Variants in UGT8 observed in about 807,000 individuals in gnomAD.
UGT8 encodes 2-hydroxyacylsphingosine 1-beta-galactosyltransferase.
UGT8 carries 12 observed loss-of-function variants against 40.5 expected under a neutral mutation model. The observed-to-expected ratio is 0.30, with a 90% CI of 0.19 to 0.48. UGT8 has a LOEUF of 0.48. Ranked by LOEUF, UGT8 falls within the 20% of genes least tolerant of loss-of-function variation. The pLI is 0.99. For missense variants in UGT8, 513 were observed against 648.7 expected (o/e 0.79, Z 2.27); for synonymous variants, 224 against 240.4 (o/e 0.93, Z 0.63).
intron 2 of UGT8, 105 bp downstream of exon 2, chr4:114,623,807 T>C: frequency 7.3e-7 from 1 of 1,373,938 alleles, no homozygotes; most frequent in Non-Finnish European, 9.5e-7. Context: ...ATATATACAG[T>C]ACACTAAAAG....
intron 2 of UGT8, among the ~76,000 whole-genome samples, chr4:114,649,120 T>C (rs1733748275): frequency 6.6e-6 from 1 of 152,184 alleles, no homozygotes; most frequent in Admixed American, 6.5e-5. Context: ...ATTGGATATG[T>C]AATTTCTGAT....
At chr4:114,635,372 A>G (rs1427393156) in intron 2 of UGT8, among the ~76,000 whole-genome samples, 1 of 151,914 alleles carries the variant, frequency 6.6e-6, no homozygotes, top group African/African-American at 2.4e-5. Context: ...AATTCAAGCC[A>G]CCATATTATT....
chr4:114,608,525 ATT>A (rs920380686), intron 1 of UGT8, among the ~76,000 whole-genome samples: 1 of 150,280 alleles, frequency 6.7e-6, no homozygotes, highest in Admixed American at 6.6e-5. Flanking sequence ...ACATTCCCCT[ATT>A]TTTTTTTAAC....
rs181912306 is a variant in UGT8, at chr4:114,609,801, C to T, written c.-3+10827C>T. Among the ~76,000 whole-genome samples, 4 of 152,150 alleles carry T rather than the reference C, an allele frequency of 2.6e-5. No individual in the cohort carries two copies. In the East Asian group the frequency reaches 7.7e-4, roughly 29 times the overall value. The stretch of plus-strand genomic sequence containing the variant: ...AAATGCAGTCCTGTCCTTATTCTAC[C>T]CCTACTACTCCATCCAAAGGGAGAC... On this transcript the variant is annotated intron_variant, in intron 1 of 5. Transcript: ENST00000310836.
At chr4:114,602,703 G>A (rs1386473199) in intron 1 of UGT8, among the ~76,000 whole-genome samples, 4 of 152,026 alleles carry the variant, frequency 2.6e-5, no homozygotes, top group Non-Finnish European at 5.9e-5. Context: ...TGTAAGTGCC[G>A]TGATAGAGAT....
Position 114,598,918 on chromosome 4 carries a change from G to C in UGT8, c.-59G>C, listed in dbSNP as rs752589070. 1.3e-5 allele frequency: 2 copies of C among 152,186 alleles called. No individual in the cohort carries two copies. The highest frequency in any genetic ancestry group is 4.8e-5 in the African/African-American group (2 of 41,388). 9.4% of individuals were successfully genotyped at this position (152,186 alleles called of 1,614,324 possible). A position where few individuals can be genotyped will look rare whatever the true frequency, so the allele number is the denominator to read the frequency against. Reference sequence around the variant, plus strand: ...ACAAACACAGGTCCCTTCTGTCCCGGATACAATTACGCGGCAGACACACAC... The same window carrying C: ...ACAAACACAGGTCCCTTCTGTCCCGCATACAATTACGCGGCAGACACACAC... On this transcript the variant is annotated 5_prime_UTR_variant, in exon 1 of 6. Coordinates refer to ENST00000310836, the MANE Select transcript of UGT8 (RefSeq NM_001128174.3).
intron 3 of UGT8, chr4:114,665,312 C>A: frequency 1.1e-6 from 1 of 875,568 alleles, no homozygotes; most frequent in Non-Finnish European, 1.4e-6. Flanking sequence ...AGTGGCAGCT[C>A]TCCCTGCTCC....
chr4:114,642,704 C>T (rs866548512), intron 2 of UGT8, among the ~76,000 whole-genome samples: 31 of 152,128 alleles, frequency 2.0e-4, no homozygotes, highest in African/African-American at 7.2e-4. Flanking sequence ...GATTTGTTCG[C>T]TTGTCATTTG....
chr4:114,616,200 G>A (rs1017958548), intron 1 of UGT8, among the ~76,000 whole-genome samples: 2 of 152,176 alleles, frequency 1.3e-5, no homozygotes, highest in Admixed American at 1.3e-4. Context: ...CCCCAGAGGT[G>A]GAGTCTACAG....
chr4:114,674,790 A>G (rs1049000381), intron 5 of UGT8, among the ~76,000 whole-genome samples: 3 of 152,244 alleles, frequency 2.0e-5, no homozygotes, highest in African/African-American at 7.2e-5. Context: ...CAGTAGTGCT[A>G]TATCCTCCAT....
chr4:114,678,212 T>C lies in UGT8; in HGVS notation c.*1924T>C, dbSNP rs1380313756. Reference sequence around the variant, plus strand: ...GTGATAAAAACTTAAATAATAAACATGATTTAAAATAGAGAAGTGTTGTTG... The same window carrying C: ...GTGATAAAAACTTAAATAATAAACACGATTTAAAATAGAGAAGTGTTGTTG... On this transcript the variant is annotated 3_prime_UTR_variant, in exon 6 of 6. Transcript: ENST00000310836. The C allele has an allele frequency of 6.6e-6, 1 of 152,200 alleles. No homozygotes were observed. Among genetic ancestry groups the C allele is most frequent in the Non-Finnish European group, 1.5e-5 (1 of 68,030 alleles). The allele number at this position is 152,200 out of a possible 1,614,324, so 9.4% of individuals were successfully genotyped here.
chr4:114,668,282 G>A lies in UGT8; in HGVS notation c.1240G>A (p.Val414Met). The A allele has an allele frequency of 6.2e-7, 1 of 1,613,624 alleles. No homozygotes were observed. The highest frequency in any genetic ancestry group is 1.7e-4 in the Middle Eastern group (1 of 6,056). Residue 414 changes from valine to methionine, a missense_variant, in exon 5 of 6, where the codon GTG becomes ATG. Physicochemically the swap from Val to Met is conservative, Grantham distance 21. Coordinates refer to ENST00000310836, the MANE Select transcript of UGT8 (RefSeq NM_001128174.3). ...VTEKELYEAL[V>M]KVINNPSYRQ... ...TGAAAAAGAGCTCTATGAAGCACTA[G>A]TGAAGGTTATCAATAATCCCAGGTA...
intron 2 of UGT8, among the ~76,000 whole-genome samples, chr4:114,658,108 T>G (rs554285289): frequency 1.3e-5 from 2 of 152,368 alleles, no homozygotes; most frequent in South Asian, 4.1e-4. Context: ...CAAGATTTTT[T>G]TAAGAGCATT....
intron 2 of UGT8, among the ~76,000 whole-genome samples, chr4:114,631,117 A>G (rs1433553709): frequency 6.6e-6 from 1 of 152,166 alleles, no homozygotes; most frequent in East Asian, 1.9e-4. Flanking sequence ...ACCAACCCCA[A>G]TATTTATACT....
intron 2 of UGT8, among the ~76,000 whole-genome samples, chr4:114,646,848 G>A (rs1012809418): frequency 6.6e-6 from 1 of 152,184 alleles, no homozygotes. Flanking sequence ...CGTTCATGTT[G>A]GAGTCATAGT....
chr4:114,653,801 G>C (rs1003629500), intron 2 of UGT8, among the ~76,000 whole-genome samples: 20 of 152,008 alleles, frequency 1.3e-4, no homozygotes, highest in Admixed American at 1.2e-3. Context: ...GAGGAAGTAG[G>C]GCAGAGGCAG....
chr4:114,628,385 C>T (rs1385891518), intron 2 of UGT8, among the ~76,000 whole-genome samples: 2 of 152,050 alleles, frequency 1.3e-5, no homozygotes, highest in African/African-American at 4.8e-5. Flanking sequence ...AGTGATTCAG[C>T]CACCTTGGCT....
rs187590599 is a variant in UGT8 at position 114,627,024 on chromosome 4, A to G, written c.822+3322A>G. Among the ~76,000 whole-genome samples the G allele has an allele frequency of 2.4e-3, 360 of 152,294 alleles. 4 individuals are homozygous for G. The highest frequency in any genetic ancestry group is 0.01 in the Middle Eastern group (3 of 294). On this transcript the variant is annotated intron_variant, in intron 2 of 5. Coordinates refer to ENST00000310836, the MANE Select transcript of UGT8 (RefSeq NM_001128174.3). Reference sequence around the variant, plus strand: ...GATAGTAGAAATCATTTTAAAATCCATGTTAGAAATGTGCCTGGAAAGACA... The same window carrying G: ...GATAGTAGAAATCATTTTAAAATCCGTGTTAGAAATGTGCCTGGAAAGACA...
At position 114,676,038 on chromosome 4, in the gene UGT8, AC is replaced by A; in HGVS notation, c.1378del (p.Leu460TyrfsTer36). Reference protein sequence around the residue: ...DYIIRHNGAHHLRAAVHQISF... With the variant: ...DYIIRHNGAHXLRAAVHQISF... The stretch of plus-strand genomic sequence containing the variant: ...ATTATTCGTCACAATGGAGCCCATC[AC>A]CTACGTGCCGCTGTCCATCAGATCT... On this transcript the variant is annotated frameshift_variant, in exon 6 of 6. Transcript: ENST00000310836. LOFTEE classifies it high-confidence loss of function. The A allele has an allele frequency of 1.9e-6, 3 of 1,614,180 alleles. No individual in the cohort carries two copies. Among genetic ancestry groups the A allele is most frequent in the Non-Finnish European group, 2.5e-6 (3 of 1,180,030 alleles).
Sources: allele counts gnomAD v4.1 joint callset (sites outside exome capture counted in the v4.1 genomes callset), GRCh38; gene constraint gnomAD v4.1.1; transcripts MANE v1.5; gene names NCBI Gene and HGNC (gene_info 2026-07-23, HGNC 2026-07-21).